ATRNL1: variants seen among roughly 807,000 people sequenced by gnomAD.
ATRNL1 encodes attractin-like protein 1.
ATRNL1 carries 95 observed loss-of-function variants against 182.7 expected under a neutral mutation model. That is an observed-to-expected ratio of 0.52 (90% CI 0.44 to 0.62). The LOEUF is 0.62. ATRNL1 is among the 20% of genes least tolerant of loss of function. ATRNL1 has a pLI of 0.00. For missense variants in ATRNL1, 1,471 were observed against 1,679.5 expected (o/e 0.88, Z 2.17); for synonymous variants, 576 against 568.3 (o/e 1.01, Z -0.19).
At chr10:115,772,709 A>AGTAG (rs1949026292) in intron 27 of ATRNL1, among the ~76,000 whole-genome samples, 1 of 151,986 alleles carries the variant, frequency 6.6e-6, no homozygotes, top group Admixed American at 6.6e-5. Flanking sequence ...GTATCCCTAC[A>AGTAG]GATATTTTTT....
At chr10:115,565,233 G>C (rs1854006583) in intron 26 of ATRNL1, among the ~76,000 whole-genome samples, 1 of 151,984 alleles carries the variant, frequency 6.6e-6, no homozygotes, top group Admixed American at 6.6e-5. Context: ...GAGAATTTCA[G>C]TAGGAAATTT....
At chr10:115,205,535 A>G (rs1437061904) in intron 8 of ATRNL1, among the ~76,000 whole-genome samples, 5 of 151,208 alleles carry the variant, frequency 3.3e-5, no homozygotes, top group Non-Finnish European at 3.0e-5. Context: ...CCTGTTTTTT[A>G]TTCTTGTTTC....
intron 25 of ATRNL1, among the ~76,000 whole-genome samples, chr10:115,538,243 G>A (rs1554991038): frequency 1.3e-5 from 2 of 152,138 alleles, no homozygotes; most frequent in African/African-American, 2.4e-5. Context: ...GTCACAGGGT[G>A]GATGTATATT....
chr10:115,837,943 G>T (rs1387832885), intron 27 of ATRNL1, among the ~76,000 whole-genome samples: 1 of 152,140 alleles, frequency 6.6e-6, no homozygotes, highest in Non-Finnish European at 1.5e-5. Flanking sequence ...AATTGCATTT[G>T]CAAGTGATTC....
chr10:115,172,985 T>A (rs1328651407), intron 8 of ATRNL1, among the ~76,000 whole-genome samples: 1 of 151,852 alleles, frequency 6.6e-6, no homozygotes, highest in Non-Finnish European at 1.5e-5. Context: ...ATTTCATACC[T>A]TTTCCTCTCT....
chr10:115,541,925 A>C (rs1465255656), intron 25 of ATRNL1, among the ~76,000 whole-genome samples: 1 of 152,132 alleles, frequency 6.6e-6, no homozygotes, highest in East Asian at 1.9e-4. Flanking sequence ...GGGTTTCTCT[A>C]TTGTGTTATA....
intron 26 of ATRNL1, among the ~76,000 whole-genome samples, chr10:115,664,039 A>G (rs1860858679): frequency 1.3e-5 from 2 of 152,104 alleles, no homozygotes; most frequent in Admixed American, 6.6e-5. Context: ...CTGTCCCACC[A>G]TGCTCTCACC....
intron 27 of ATRNL1, among the ~76,000 whole-genome samples, chr10:115,791,532 T>C (rs1483183365): frequency 1.3e-5 from 2 of 152,180 alleles, no homozygotes; most frequent in Non-Finnish European, 2.9e-5. Flanking sequence ...ATCAATTATG[T>C]ATATTTGTGA....
intron 27 of ATRNL1, among the ~76,000 whole-genome samples, chr10:115,785,993 A>T (rs1949388019): frequency 6.6e-6 from 1 of 152,200 alleles, no homozygotes; most frequent in Admixed American, 6.5e-5. Flanking sequence ...AGACCTCATC[A>T]GAGGCACCGC....
chr10:115,394,652 C>G lies in ATRNL1; in HGVS notation c.3176-7C>G. 1 of 1,609,602 alleles carries G rather than the reference C, an allele frequency of 6.2e-7. No individual in the cohort carries two copies. The highest frequency in any genetic ancestry group is 8.5e-7 in the Non-Finnish European group (1 of 1,176,654). The stretch of plus-strand genomic sequence containing the variant: ...ATATTCAATATCATTTTGGTTTTGA[C>G]TTACAGCTTGTACATGCAGTGGCCA... On this transcript the variant is annotated splice_polypyrimidine_tract_variant and splice_region_variant and intron_variant, in intron 19 of 28. Transcript: ENST00000355044.
At chr10:115,323,632 C>T (rs1371855207) in intron 18 of ATRNL1, among the ~76,000 whole-genome samples, 4 of 151,740 alleles carry the variant, frequency 2.6e-5, no homozygotes, top group South Asian at 2.1e-4. Context: ...TTAGTAGAGA[C>T]AGAGTTTTGC....
chr10:115,264,422 G>A (rs1223370787), intron 10 of ATRNL1, among the ~76,000 whole-genome samples: 16 of 151,514 alleles, frequency 1.1e-4, no homozygotes, highest in African/African-American at 3.9e-4. Flanking sequence ...ATGCTTTCAT[G>A]AAATACCAAA....
chr10:115,550,170 A>G (rs1852885358), intron 26 of ATRNL1, among the ~76,000 whole-genome samples: 1 of 151,886 alleles, frequency 6.6e-6, no homozygotes, highest in Non-Finnish European at 1.5e-5. Flanking sequence ...AAACAAAATC[A>G]TCTGAGGAGC....
chr10:115,515,377 C>T (rs1592769009), intron 24 of ATRNL1, among the ~76,000 whole-genome samples: 1 of 139,708 alleles, frequency 7.2e-6, no homozygotes, highest in East Asian at 2.1e-4. Flanking sequence ...TATTGGAAGT[C>T]AAGGATATCA....
intron 26 of ATRNL1, among the ~76,000 whole-genome samples, chr10:115,663,651 T>C (rs1412285260): frequency 1.3e-5 from 2 of 152,030 alleles, no homozygotes; most frequent in Non-Finnish European, 2.9e-5. Context: ...TATAGGAGTT[T>C]TGTTAAAAAT....
chr10:115,124,595 C>G (rs1224104239), intron 3 of ATRNL1, among the ~76,000 whole-genome samples: 2 of 152,196 alleles, frequency 1.3e-5, no homozygotes, highest in Admixed American at 1.3e-4. Context: ...CCATCCCCTT[C>G]TCTCTCGGGA....
At chr10:115,212,688 TCTTTTGCAGGGACA>T (rs1168265216) in intron 8 of ATRNL1, among the ~76,000 whole-genome samples, 2 of 152,082 alleles carry the variant, frequency 1.3e-5, no homozygotes, top group Admixed American at 1.3e-4. Context: ...AGAGATAATG[TCTTTTGCAGGGACA>T]TGGTTGGAGC....
At chr10:115,450,333 A>G (rs1847220970) in intron 21 of ATRNL1, among the ~76,000 whole-genome samples, 1 of 152,200 alleles carries the variant, frequency 6.6e-6, no homozygotes, top group African/African-American at 2.4e-5. Flanking sequence ...GAAGAGAGGA[A>G]GTCAAACTAT....
intron 26 of ATRNL1, among the ~76,000 whole-genome samples, chr10:115,618,951 G>A (rs767329281): frequency 6.6e-6 from 1 of 152,166 alleles, no homozygotes; most frequent in Non-Finnish European, 1.5e-5. Flanking sequence ...GTTTCTTCCA[G>A]TGTTACGAAA....
Sources: allele counts gnomAD v4.1 joint callset (sites outside exome capture counted in the v4.1 genomes callset), GRCh38; gene constraint gnomAD v4.1.1; transcripts MANE v1.5; gene names NCBI Gene and HGNC (gene_info 2026-07-23, HGNC 2026-07-21).